The following ADAMTS18 variants were observed in gnomAD, a reference collection of about 807,000 sequenced individuals.
ADAMTS18 encodes ADAM metallopeptidase with thrombospondin type 1 motif 18, also known as A disintegrin and metalloproteinase with thrombospondin motifs 18.
A neutral mutation model predicts 165.9 loss-of-function variants in ADAMTS18; 157 were observed. The observed-to-expected ratio is 0.95, with a 90% CI of 0.83 to 1.08. The LOEUF is 1.08. Ranked by LOEUF, ADAMTS18 falls within the 50% of genes least tolerant of loss-of-function variation. The pLI is 0.00. For synonymous variants in ADAMTS18, 782 were observed against 578.2 expected (o/e 1.35, Z -5.06); for missense variants, 2,040 against 1,534.0 (o/e 1.33, Z -5.51).
chr16:77,327,305 A>G (rs1442992375), intron 12 of ADAMTS18, among the ~76,000 whole-genome samples: 2 of 152,134 alleles, frequency 1.3e-5, no homozygotes, highest in African/African-American at 4.8e-5. Flanking sequence ...CCCTGGACCC[A>G]TTGTGTAGTC....
intron 18 of ADAMTS18, among the ~76,000 whole-genome samples, chr16:77,296,523 AGAG>A (rs2055475656): frequency 6.6e-6 from 1 of 152,208 alleles, no homozygotes; most frequent in Non-Finnish European, 1.5e-5. Context: ...GATTCCATTC[AGAG>A]AAGAGGAATC....
chr16:77,420,339 G>C (rs12934409), intron 3 of ADAMTS18, among the ~76,000 whole-genome samples: 3 of 151,864 alleles, frequency 2.0e-5, no homozygotes, highest in African/African-American at 4.8e-5. Flanking sequence ...TCTAAAGCCC[G>C]TAACATTTAC....
Position 77,320,099 on chromosome 16 carries a change from T to C in ADAMTS18, c.2288-6A>G, listed in dbSNP as rs533859064. ...GAGGACCACCGGATAATATTCTAAA[T>C]GGAAAGAAGAGAACATGTCTGAATT... On this transcript the variant is annotated splice_polypyrimidine_tract_variant and splice_region_variant and intron_variant, in intron 15 of 22. Coordinates refer to ENST00000282849, the MANE Select transcript of ADAMTS18 (RefSeq NM_199355.4). The C allele has an allele frequency of 3.7e-6, 6 of 1,613,996 alleles. No individual in the cohort carries two copies. In the African/African-American group the frequency reaches 4.0e-5, roughly 11 times the overall value.
At chr16:77,372,014 A>C (rs1193267601) in intron 3 of ADAMTS18, among the ~76,000 whole-genome samples, 1 of 152,190 alleles carries the variant, frequency 6.6e-6, no homozygotes, top group Non-Finnish European at 1.5e-5. Flanking sequence ...ACAGGGGTAT[A>C]TGAAAAAAAT....
At chr16:77,422,537 A>C (rs548331489) in intron 3 of ADAMTS18, among the ~76,000 whole-genome samples, 32 of 131,376 alleles carry the variant, frequency 2.4e-4, no homozygotes, top group African/African-American at 8.7e-4. Context: ...AAGAGAGGAG[A>C]GTGAAAAAAA....
intron 3 of ADAMTS18, among the ~76,000 whole-genome samples, chr16:77,369,794 C>G (rs968800545): frequency 4.6e-5 from 7 of 152,158 alleles, no homozygotes; most frequent in African/African-American, 1.7e-4. Flanking sequence ...AAAAAGAAAT[C>G]TACGGGTCAG....
chr16:77,381,414 G>A (rs1032712127), intron 3 of ADAMTS18, among the ~76,000 whole-genome samples: 4 of 152,178 alleles, frequency 2.6e-5, no homozygotes. Flanking sequence ...AGTACCTGCT[G>A]TTCCTTTCCC....
intron 3 of ADAMTS18, among the ~76,000 whole-genome samples, chr16:77,377,010 T>C (rs2056963932): frequency 6.6e-6 from 1 of 152,108 alleles, no homozygotes; most frequent in South Asian, 2.1e-4. Flanking sequence ...AGATGAGGTT[T>C]CATCACATTG....
At chr16:77,365,177 T>C (rs202043153) in intron 4 of ADAMTS18, among the ~76,000 whole-genome samples, 2 of 34,888 alleles carry the variant, frequency 5.7e-5, no homozygotes, top group African/African-American at 4.5e-4. Context: ...AGATTTCATC[T>C]CAAACAACAA....
chr16:77,304,856 T>C (rs1020719878), intron 16 of ADAMTS18, among the ~76,000 whole-genome samples: 128 of 152,360 alleles, frequency 8.4e-4, no homozygotes, highest in African/African-American at 2.9e-3. Context: ...ATAGAGCATA[T>C]TGTTTATAGT....
chr16:77,365,137 T>A (rs1265099917), intron 4 of ADAMTS18, among the ~76,000 whole-genome samples: 4 of 151,696 alleles, frequency 2.6e-5, no homozygotes, highest in Non-Finnish European at 5.9e-5. Flanking sequence ...CGCATTTACC[T>A]TTAAGATAGA....
chr16:77,299,694 C>T (rs906635262), intron 17 of ADAMTS18, among the ~76,000 whole-genome samples: 1 of 152,202 alleles, frequency 6.6e-6, no homozygotes, highest in African/African-American at 2.4e-5. Context: ...AAATAAAACG[C>T]CTTCCTTCTA....
intron 11 of ADAMTS18, 102 bp downstream of exon 11, chr16:77,341,602 A>G (rs1039666597): frequency 1.2e-5 from 11 of 936,728 alleles, no homozygotes; most frequent in African/African-American, 3.3e-5. Flanking sequence ...GTCAGAGAAT[A>G]TAAACTACCA....
At chr16:77,301,612 T>C (rs558707478) in intron 16 of ADAMTS18, among the ~76,000 whole-genome samples, 2 of 152,320 alleles carry the variant, frequency 1.3e-5, no homozygotes, top group South Asian at 4.1e-4. Flanking sequence ...CCTGGCTCTG[T>C]CTCCCTCGGG....
rs776335434 is a variant in ADAMTS18 at position 77,353,757 on chromosome 16, C to T, written c.1590G>A (p.Lys530=). ...CCTTCACAAAACCAAGGCTGCATAA[C>T]TTGGCTTTTGCTCCAAATTGCCATT... ...QCKWQFGAKA[K]LCSLGFVKDI... is the part of the protein sequence containing the mutation. Residue 530 remains lysine (K), a synonymous_variant, in exon 10 of 23, where the codon AAG becomes AAA. Coordinates refer to ENST00000282849, the MANE Select transcript of ADAMTS18 (RefSeq NM_199355.4). 1 of 1,614,170 alleles carries T rather than the reference C, an allele frequency of 6.2e-7. No homozygotes were observed. Among genetic ancestry groups the T allele is most frequent in the Non-Finnish European group, 8.5e-7 (1 of 1,180,018 alleles).
chr16:77,305,849 C>T (rs767663642), intron 16 of ADAMTS18, among the ~76,000 whole-genome samples: 3 of 152,136 alleles, frequency 2.0e-5, no homozygotes, highest in East Asian at 1.9e-4. Flanking sequence ...ACTTCCTCTA[C>T]GAATGCCAGG....
intron 12 of ADAMTS18, among the ~76,000 whole-genome samples, chr16:77,330,859 T>C (rs745889222): frequency 7.4e-4 from 112 of 152,348 alleles, no homozygotes; most frequent in Non-Finnish European, 1.2e-3. Context: ...TGAAAATGGC[T>C]ACACTGAGTG....
At chr16:77,407,959 T>A (rs11641029) in intron 3 of ADAMTS18, among the ~76,000 whole-genome samples, 28,353 of 151,986 alleles carry the variant, frequency 0.19, 3,203 homozygotes, top group Non-Finnish European at 0.26. Flanking sequence ...TAAAAAGCCA[T>A]TAAAAGGATA....
In ADAMTS18 at chr16:77,282,633, G is replaced by A. The variant is rs1350331907; in HGVS notation, c.*1323C>T. ...TTCATCAAAGAAGTTGAGGAATAAA[G>A]TAGAATTTATGTAAATATGCCCTTT... On this transcript the variant is annotated 3_prime_UTR_variant, in exon 23 of 23. Coordinates refer to ENST00000282849, the MANE Select transcript of ADAMTS18 (RefSeq NM_199355.4). 3.3e-5 allele frequency: 5 copies of A among 152,596 alleles called. No homozygotes were observed. The highest frequency in any genetic ancestry group is 1.2e-4 in the African/African-American group (5 of 41,446). The allele number at this position is 152,596 out of a possible 1,614,324, so 9.5% of individuals were successfully genotyped here.
Sources: gnomAD v4.1 joint callset for allele counts (sites outside exome capture counted in the v4.1 genomes callset) on GRCh38, gnomAD v4.1.1 for gene constraint, MANE v1.5 for transcripts, NCBI Gene and HGNC (gene_info 2026-07-23, HGNC 2026-07-21) for gene names.